GTPBP1: variants seen among roughly 807,000 people sequenced by gnomAD.
GTPBP1 encodes the protein GTP binding protein 1, also known as GTP-binding protein 1.
In GTPBP1, 23 loss-of-function variants were observed where a neutral mutation model predicts 62.0. The ratio of observed to expected loss-of-function variants is 0.37; its 90% CI spans 0.27 to 0.53. The LOEUF is 0.53. Ranked by LOEUF, GTPBP1 falls within the 20% of genes least tolerant of loss-of-function variation. The pLI, the probability that GTPBP1 is intolerant of heterozygous loss-of-function variation, is 0.89. For synonymous variants in GTPBP1, 344 were observed against 364.4 expected (o/e 0.94, Z 0.64); for missense variants, 640 against 917.3 (o/e 0.70, Z 3.90).
At chr22:38,721,686 C>T in intron 4 of GTPBP1, 56 bp from the exon 5 acceptor site, 6 of 1,557,876 alleles carry the variant, frequency 3.9e-6, no homozygotes, top group South Asian at 1.2e-5. Flanking sequence ...CCTGTGTCCA[C>T]CCAGCAGCAA....
At chr22:38,740,931 C>G, downstream of GTPBP1, 2 of 1,460,908 alleles carry the variant, frequency 1.4e-6, no homozygotes, top group Non-Finnish European at 1.9e-6. This position sits in a 1 kb window ranked among gnomAD's most constrained non-coding sequence, Gnocchi z 4.8. Context: ...CTCTGCGGCT[C>G]TGCTCCCCAG....
At position 38,709,038 on chromosome 22, in the gene GTPBP1, T is replaced by G. The variant is rs983349864; in HGVS notation, c.304+82T>G. 1.1e-4 allele frequency: 88 copies of G among 812,730 alleles called. No homozygotes were observed. In the African/African-American group the frequency reaches 1.4e-3, roughly 13 times the overall value. 50.3% of individuals were successfully genotyped at this position (812,730 alleles called of 1,614,324 possible). ...GCCCTGCCGCCTGTAATCCCAGCACTTTGGGAGGCCAAGACGGGTGGATCA... is the reference window on the plus strand; with the variant it reads ...GCCCTGCCGCCTGTAATCCCAGCACGTTGGGAGGCCAAGACGGGTGGATCA... On this transcript the variant is annotated intron_variant, in intron 2 of 11. Transcript: ENST00000216044.
At chr22:38,725,793 T>G in intron 6 of GTPBP1, 1 of 569,494 alleles carries the variant, frequency 1.8e-6, no homozygotes, top group South Asian at 2.2e-5. Flanking sequence ...CAGAACTGAG[T>G]GAGAGAAGAA....
In GTPBP1 at chr22:38,733,574, C is replaced by T. The variant is rs781268715; in HGVS notation, c.*2870C>T. 3.3e-5 allele frequency: 5 copies of T among 152,290 alleles called. No individual in the cohort carries two copies. Among genetic ancestry groups the T allele is most frequent in the African/African-American group, 7.2e-5 (3 of 41,456 alleles). The allele number at this position is 152,290 out of a possible 1,614,324, so 9.4% of individuals were successfully genotyped here. On this transcript the variant is annotated 3_prime_UTR_variant, in exon 12 of 12. Transcript: ENST00000216044. ...GTGGATGCAGAATAAAATTGTTAAT[C>T]CAATCACCTCCAATGGCAAGGCCTG...
chr22:38,733,583 T>C lies in GTPBP1; in HGVS notation c.*2879T>C. On this transcript the variant is annotated 3_prime_UTR_variant, in exon 12 of 12. Transcript: ENST00000216044. The stretch of plus-strand genomic sequence containing the variant: ...GAATAAAATTGTTAATCCAATCACC[T>C]CCAATGGCAAGGCCTGACCCTTCTG... 6.6e-6 allele frequency: 1 copy of C among 152,394 alleles called. No homozygotes were observed. The highest frequency in any genetic ancestry group is 1.5e-5 in the Non-Finnish European group (1 of 68,082). The allele number at this position is 152,394 out of a possible 1,614,324, so 9.4% of individuals were successfully genotyped here.
chr22:38,710,454 G>A (rs991750384), intron 2 of GTPBP1, among the ~76,000 whole-genome samples: 1 of 152,166 alleles, frequency 6.6e-6, no homozygotes, highest in African/African-American at 2.4e-5. Flanking sequence ...TTTCGTATCT[G>A]TTCTTTCCTT....
At chr22:38,722,782 G>T (rs1016167662) in intron 5 of GTPBP1, 1 of 1,602,490 alleles carries the variant, frequency 6.2e-7, no homozygotes, top group Non-Finnish European at 8.5e-7. Context: ...GAAGCAGCTG[G>T]ATTTGGCTTG....
At chr22:38,728,257 A>G (rs932564094) in intron 10 of GTPBP1, 96 bp downstream of exon 10, 1 of 860,194 alleles carries the variant, frequency 1.2e-6, no homozygotes, top group Non-Finnish European at 1.9e-6. Flanking sequence ...AGTCACTGCC[A>G]TGGGAGAGCT....
intron 5 of GTPBP1, chr22:38,723,220 A>C: frequency 9.6e-7 from 1 of 1,038,236 alleles, no homozygotes; most frequent in South Asian, 1.3e-5. Flanking sequence ...GAAAAGCACC[A>C]AATTATTTCC....
At chr22:38,715,807 G>C (rs183069981) in intron 2 of GTPBP1, 100 bp from the exon 3 acceptor site, 11 of 901,274 alleles carry the variant, frequency 1.2e-5, no homozygotes, top group Admixed American at 4.6e-5. Flanking sequence ...CTGGGGTCGG[G>C]GGGTGGTGGC....
rs1042381295 is a variant in GTPBP1, at chr22:38,720,916, T to C, written c.835-826T>C. ...AAGTTGAATCCACTTTTTGTTGTTG[T>C]TGTTTATGAGACACAGTCTCGCTCT... On this transcript the variant is annotated intron_variant, in intron 4 of 11. Coordinates refer to ENST00000216044, the MANE Select transcript of GTPBP1 (RefSeq NM_004286.5). Among the ~76,000 whole-genome samples the C allele has an allele frequency of 2.0e-5, 3 of 152,194 alleles. No individual in the cohort carries two copies. In the East Asian group the frequency reaches 5.8e-4, roughly 29 times the overall value.
chr22:38,738,317 C>A, downstream of GTPBP1: 1 of 1,471,642 alleles, frequency 6.8e-7, no homozygotes. The surrounding 1 kb of genome is among the most constrained non-coding windows in gnomAD (Gnocchi z 6.6). Flanking sequence ...GGAGAACACC[C>A]CTCCCCACTC....
intron 2 of GTPBP1, among the ~76,000 whole-genome samples, chr22:38,713,458 C>T (rs533156740): frequency 1.3e-5 from 2 of 152,266 alleles, no homozygotes; most frequent in East Asian, 1.9e-4. Context: ...GGTAGAATAA[C>T]AGCCTGAATC....
downstream of GTPBP1, chr22:38,737,812 G>A (rs1489256076): frequency 8.6e-6 from 4 of 466,586 alleles, no homozygotes; most frequent in East Asian, 2.4e-4. This position sits in a 1 kb window ranked among gnomAD's most constrained non-coding sequence, Gnocchi z 4.1. Context: ...TGCACTGCCT[G>A]AGGCTCCAGC....
downstream of GTPBP1, chr22:38,741,494 C>G (rs1274509559): frequency 1.9e-6 from 3 of 1,613,918 alleles, no homozygotes. Context: ...GCCCGCTGAC[C>G]TGGGAGGCCC....
Position 38,715,996 on chromosome 22 carries a change from A to G in GTPBP1, c.394A>G (p.Ile132Val). 1 of 1,614,138 alleles carries G rather than the reference A, an allele frequency of 6.2e-7. No individual in the cohort carries two copies. The highest frequency in any genetic ancestry group is 8.5e-7 in the Non-Finnish European group (1 of 1,179,988). Residue 132 changes from isoleucine (I) to valine (V), a missense_variant, in exon 3 of 12, where the codon ATC (isoleucine) becomes GTC (valine). Ile to Val is a conservative substitution (Grantham distance 29). Transcript: ENST00000216044. Reference sequence around the variant, plus strand: ...GGCGGAACAGATAGAGGCCGATGTCATCCTTCTGCGGGAACGGCAAGAAGC... The same window carrying G: ...GGCGGAACAGATAGAGGCCGATGTCGTCCTTCTGCGGGAACGGCAAGAAGC... ...SMAEQIEADV[I>V]LLRERQEAGG...
chr22:38,738,006 C>T (rs775951262), downstream of GTPBP1: 1 of 730,524 alleles, frequency 1.4e-6, no homozygotes, highest in African/African-American at 1.7e-5. The surrounding 1 kb of genome is among the most constrained non-coding windows in gnomAD (Gnocchi z 6.6). Flanking sequence ...CTGACGTCTG[C>T]AGGATGCGTG....
intron 1 of GTPBP1, among the ~76,000 whole-genome samples, chr22:38,708,471 C>G (rs927773806): frequency 3.9e-5 from 6 of 152,162 alleles, no homozygotes; most frequent in African/African-American, 4.8e-5. Context: ...TGTGGGCTTC[C>G]AGATGCCAAC....
chr22:38,742,599 T>C, downstream of GTPBP1: 3 of 1,569,456 alleles, frequency 1.9e-6, no homozygotes, highest in Non-Finnish European at 2.6e-6. Flanking sequence ...GACCCTTGGA[T>C]GATAGTGCTT....
Sources: allele counts gnomAD v4.1 joint callset (sites outside exome capture counted in the v4.1 genomes callset), GRCh38; gene constraint gnomAD v4.1.1; non-coding constraint Gnocchi (gnomAD v3.1); transcripts MANE v1.5; gene names NCBI Gene and HGNC (gene_info 2026-07-23, HGNC 2026-07-21).